TMEM266: variants seen among roughly 807,000 people sequenced by gnomAD.
TMEM266 encodes Hv1 related protein 1.
A neutral mutation model predicts 50.5 loss-of-function variants in TMEM266; 33 were observed. That is an observed-to-expected ratio of 0.65 (90% CI 0.50 to 0.87). The LOEUF (loss-of-function observed/expected upper bound fraction) is 0.87. Ranked by LOEUF, TMEM266 falls within the 40% of genes least tolerant of loss-of-function variation. The pLI, the probability that TMEM266 is intolerant of heterozygous loss-of-function variation, is 0.00. For missense variants in TMEM266, 655 were observed against 695.1 expected (o/e 0.94, Z 0.65); for synonymous variants, 310 against 292.3 (o/e 1.06, Z -0.62).
At chr15:76,167,208 T>C (rs933734507) in intron 5 of TMEM266, among the ~76,000 whole-genome samples, 2 of 152,094 alleles carry the variant, frequency 1.3e-5, no homozygotes, top group Non-Finnish European at 2.9e-5. Context: ...CGGTGGCTCA[T>C]GCCTGTAATC....
intron 1 of TMEM266, among the ~76,000 whole-genome samples, chr15:76,090,680 T>A (rs1032641233): frequency 3.3e-5 from 5 of 152,038 alleles, no homozygotes; most frequent in African/African-American, 1.2e-4. Flanking sequence ...GGGTTAAAAG[T>A]GTCCACGGGA....
chr15:76,202,075 C>G (rs899215858), intron 9 of TMEM266, 127 bp from the exon 10 acceptor site: 3 of 756,570 alleles, frequency 4.0e-6, no homozygotes, highest in Non-Finnish European at 2.1e-6. Flanking sequence ...AGGCAGCTCC[C>G]GTCACACACA....
chr15:76,076,986 A>G (rs2036616606), intron 1 of TMEM266, among the ~76,000 whole-genome samples: 1 of 151,708 alleles, frequency 6.6e-6, no homozygotes, highest in Non-Finnish European at 1.5e-5. Flanking sequence ...TTTTTTTGAG[A>G]CAAGGCCTCA....
chr15:76,122,271 C>G (rs2037358148), intron 1 of TMEM266, among the ~76,000 whole-genome samples: 1 of 152,376 alleles, frequency 6.6e-6, no homozygotes, highest in Middle Eastern at 3.4e-3. Flanking sequence ...TGCTTACCAT[C>G]TATTTGGACA....
At chr15:76,189,999 G>T (rs1458990365) in intron 8 of TMEM266, among the ~76,000 whole-genome samples, 1 of 152,236 alleles carries the variant, frequency 6.6e-6, no homozygotes, top group Non-Finnish European at 1.5e-5. Flanking sequence ...CCAGGTTGCT[G>T]CCTGGCCACC....
In TMEM266 at chr15:76,134,309, A is replaced by C; in HGVS notation, c.38+8A>C. On this transcript the variant is annotated splice_region_variant and intron_variant, in intron 2 of 10. Coordinates refer to ENST00000388942, the MANE Select transcript of TMEM266 (RefSeq NM_152335.3). Reference sequence around the variant, plus strand: ...CAACATGACCAATCCACAGTAAGTAATGCTGGGATCTGCTCTCTGGATCCA... The same window carrying C: ...CAACATGACCAATCCACAGTAAGTACTGCTGGGATCTGCTCTCTGGATCCA... 1.2e-6 allele frequency: 2 copies of C among 1,613,032 alleles called. No individual in the cohort carries two copies. The highest frequency in any genetic ancestry group is 1.7e-6 in the Non-Finnish European group (2 of 1,179,006).
chr15:76,075,837 CTTTTTTTTTTTTTTTTTTTTTTTT>C (rs71140194), intron 1 of TMEM266, among the ~76,000 whole-genome samples: 5 of 23,596 alleles, frequency 2.1e-4, no homozygotes, highest in East Asian at 2.3e-3. Context: ...GAGAAGGCAG[CTTTTTTTTTTTTTTTTTTTTTTTT>C]TTTTTTTTTT....
chr15:76,113,270 C>G (rs987980674), intron 1 of TMEM266: 2 of 152,056 alleles, frequency 1.3e-5, no homozygotes, highest in African/African-American at 4.8e-5. Context: ...GCCGAGATCA[C>G]ACCACTGCAC....
At chr15:76,172,920 G>A (rs537299764) in intron 7 of TMEM266, among the ~76,000 whole-genome samples, 2 of 151,836 alleles carry the variant, frequency 1.3e-5, no homozygotes, top group East Asian at 3.9e-4. Context: ...GTGAACAGCC[G>A]CACACCCTCA....
At chr15:76,089,138 C>G (rs1453707860) in intron 1 of TMEM266, among the ~76,000 whole-genome samples, 1 of 146,270 alleles carries the variant, frequency 6.8e-6, no homozygotes, top group Admixed American at 6.9e-5. Flanking sequence ...AGCATAGAGT[C>G]TTCAAGAGGA....
At chr15:76,134,714 T>TACACC (rs1314169271) in intron 2 of TMEM266, among the ~76,000 whole-genome samples, 1 of 152,236 alleles carries the variant, frequency 6.6e-6, no homozygotes, top group Non-Finnish European at 1.5e-5. Context: ...CTCATTCTAT[T>TACACC]ACACCACACT....
In TMEM266 at chr15:76,141,746, C is replaced by A. The variant is rs530014180; in HGVS notation, c.227+3851C>A. Among the ~76,000 whole-genome samples, 8 of 152,278 alleles carry A rather than the reference C, an allele frequency of 5.3e-5. No homozygotes were observed. The South Asian group carries it at 1.7e-3, about 32-fold the overall frequency. ...CCAGTAAACAGTAGCTTCCTGTTCC[C>A]CCACTCCTCCAGCCACTGGAAACCA... is the stretch of plus-strand genomic sequence containing the variant. On this transcript the variant is annotated intron_variant, in intron 3 of 10. Transcript: ENST00000388942.
chr15:76,120,852 A>G (rs775517990), intron 1 of TMEM266, among the ~76,000 whole-genome samples: 3 of 152,140 alleles, frequency 2.0e-5, no homozygotes, highest in Non-Finnish European at 4.4e-5. Context: ...AAGGGAGTAC[A>G]ACATGAGGCA....
chr15:76,124,569 C>CAGG (rs1252370721), intron 1 of TMEM266, among the ~76,000 whole-genome samples: 1 of 152,022 alleles, frequency 6.6e-6, no homozygotes, highest in African/African-American at 2.4e-5. Flanking sequence ...GAGTCTTAGG[C>CAGG]AGGAGAATTG....
chr15:76,074,848 G>A (rs2036583940), intron 1 of TMEM266, among the ~76,000 whole-genome samples: 2 of 152,068 alleles, frequency 1.3e-5, no homozygotes, highest in Non-Finnish European at 2.9e-5. Context: ...TGCTGTCAGT[G>A]TGGGACATGG....
At chr15:76,151,615 G>A (rs186447612) in intron 3 of TMEM266, among the ~76,000 whole-genome samples, 1 of 152,146 alleles carries the variant, frequency 6.6e-6, no homozygotes, top group East Asian at 1.9e-4. Flanking sequence ...TTTCCTTGAT[G>A]CTCCAGGGCT....
At chr15:76,147,160 T>C (rs1260707791) in intron 3 of TMEM266, among the ~76,000 whole-genome samples, 1 of 152,218 alleles carries the variant, frequency 6.6e-6, no homozygotes, top group Non-Finnish European at 1.5e-5. Context: ...CCAGGCTTCT[T>C]ATGCCTCAGA....
At chr15:76,081,289 A>G (rs2036690867) in intron 1 of TMEM266, among the ~76,000 whole-genome samples, 1 of 152,212 alleles carries the variant, frequency 6.6e-6, no homozygotes. Flanking sequence ...GCACTCTGGT[A>G]TTCCTTTCTT....
chr15:76,135,976 T>C (rs2037581960), intron 2 of TMEM266, among the ~76,000 whole-genome samples: 2 of 151,070 alleles, frequency 1.3e-5, no homozygotes, highest in Admixed American at 1.3e-4. Context: ...AGAGTTTCAC[T>C]CTTGTTGCCC....
Sources: gnomAD v4.1 joint callset for allele counts (sites outside exome capture counted in the v4.1 genomes callset) on GRCh38, gnomAD v4.1.1 for gene constraint, MANE v1.5 for transcripts, NCBI Gene and HGNC (gene_info 2026-07-23, HGNC 2026-07-21) for gene names.